Variants in ZBTB20 observed in about 807,000 individuals in gnomAD.
ZBTB20 encodes the protein zinc finger and BTB domain-containing protein 20.
ZBTB20 carries 9 observed loss-of-function variants against 56.9 expected under a neutral mutation model. That is an observed-to-expected ratio of 0.16 (90% CI 0.10 to 0.28). The LOEUF is 0.28. ZBTB20 is among the 10% of genes least tolerant of loss of function. The pLI is 1.00. For synonymous variants in ZBTB20, 417 were observed against 420.7 expected (o/e 0.99, Z 0.11); for missense variants, 655 against 1,003.0 (o/e 0.65, Z 4.69).
At chr3:114,388,312 T>C (rs2085400933) in intron 8 of ZBTB20, 1 of 152,250 alleles carries the variant, frequency 6.6e-6, no homozygotes, top group African/African-American at 2.4e-5. Context: ...GATTAATGAA[T>C]ACTTGATATC....
At chr3:114,440,772 G>A (rs1445800080) in intron 7 of ZBTB20, among the ~76,000 whole-genome samples, 2 of 152,176 alleles carry the variant, frequency 1.3e-5, no homozygotes, top group Admixed American at 1.3e-4. Context: ...GTGATACCAT[G>A]GGAAGGAAGA....
chr3:114,521,191 A>G (rs1447582696), intron 6 of ZBTB20, among the ~76,000 whole-genome samples: 2 of 152,198 alleles, frequency 1.3e-5, no homozygotes, highest in African/African-American at 4.8e-5. Flanking sequence ...TGAGATTACT[A>G]GACAAAAAAA....
intron 7 of ZBTB20, among the ~76,000 whole-genome samples, chr3:114,390,649 G>C (rs985388072): frequency 6.6e-6 from 1 of 152,160 alleles, no homozygotes; most frequent in Non-Finnish European, 1.5e-5. Flanking sequence ...TCCATGGAGA[G>C]CATCCACATT....
At chr3:115,081,522 G>A (rs2082795446) in intron 1 of ZBTB20, among the ~76,000 whole-genome samples, 1 of 152,086 alleles carries the variant, frequency 6.6e-6, no homozygotes, top group Admixed American at 6.5e-5. Flanking sequence ...TAATTTCTAT[G>A]TGCTAGAGGG....
chr3:114,915,837 C>T (rs2075722181), intron 3 of ZBTB20, among the ~76,000 whole-genome samples: 1 of 151,992 alleles, frequency 6.6e-6, no homozygotes, highest in Admixed American at 6.6e-5. Context: ...CTCAGGAGTA[C>T]ACTGTTTAAT....
At chr3:114,548,513 TTTTC>T (rs1310254403) in intron 6 of ZBTB20, among the ~76,000 whole-genome samples, 2 of 145,082 alleles carry the variant, frequency 1.4e-5, no homozygotes, top group East Asian at 3.9e-4. Context: ...TTTCTTTTTA[TTTTC>T]TTTTTTTTTT....
chr3:114,746,546 T>A (rs1279703796), intron 5 of ZBTB20, among the ~76,000 whole-genome samples: 1 of 152,138 alleles, frequency 6.6e-6, no homozygotes, highest in East Asian at 1.9e-4. Context: ...CAGAGAGAGA[T>A]CTCTTCCCTT....
chr3:114,440,766 T>C (rs1023939344), intron 7 of ZBTB20, among the ~76,000 whole-genome samples: 1 of 152,214 alleles, frequency 6.6e-6, no homozygotes, highest in Non-Finnish European at 1.5e-5. Context: ...TCTGAAGTGA[T>C]ACCATGGGAA....
At chr3:114,489,487 A>G (rs1367944025) in intron 7 of ZBTB20, among the ~76,000 whole-genome samples, 2 of 152,180 alleles carry the variant, frequency 1.3e-5, no homozygotes, top group Admixed American at 1.3e-4. Context: ...TGCTATTTAT[A>G]AAGAGTTTTT....
chr3:114,510,708 G>T (rs1194633034), intron 6 of ZBTB20, among the ~76,000 whole-genome samples: 2 of 151,988 alleles, frequency 1.3e-5, no homozygotes, highest in Admixed American at 1.3e-4. Flanking sequence ...ATCCCTGAAC[G>T]AATCTCTTTC....
chr3:115,007,852 C>G (rs570168169), intron 2 of ZBTB20, among the ~76,000 whole-genome samples: 1 of 151,806 alleles, frequency 6.6e-6, no homozygotes, highest in Non-Finnish European at 1.5e-5. Context: ...TACTTTATAT[C>G]TCAGATGTTT....
At chr3:114,914,253 T>C (rs1190240403) in intron 3 of ZBTB20, among the ~76,000 whole-genome samples, 1 of 152,004 alleles carries the variant, frequency 6.6e-6, no homozygotes, top group Non-Finnish European at 1.5e-5. Context: ...TTCAATATCT[T>C]GCAACAATCT....
chr3:115,127,455 T>C lies in ZBTB20; in HGVS notation c.-703+19764A>G, dbSNP rs558153489. Among the ~76,000 whole-genome samples, 8 of 152,172 alleles carry C rather than the reference T, an allele frequency of 5.3e-5. 1 individual carries two copies. The South Asian group carries it at 1.7e-3, about 32-fold the overall frequency. ...AAATACACAAATTAGCCAGGCACGA[T>C]GGCATACACCTATAATCCATCCCAG... On this transcript the variant is annotated intron_variant, in intron 1 of 11. Transcript: ENST00000675478.
chr3:114,371,843 C>T (rs551421114), intron 10 of ZBTB20, among the ~76,000 whole-genome samples: 1 of 151,612 alleles, frequency 6.6e-6, no homozygotes, highest in East Asian at 1.9e-4. Context: ...TAATCTTGCA[C>T]TGCTGATAAA....
rs542157171 is a variant in ZBTB20, at chr3:114,598,452, T to C, written c.-295+95076A>G. On this transcript the variant is annotated intron_variant, in intron 6 of 11. Coordinates refer to ENST00000675478, the MANE Select transcript of ZBTB20 (RefSeq NM_001348800.3). The stretch of plus-strand genomic sequence containing the variant: ...TGTGCTATATGACAGGATATGACAT[T>C]ATATATGCTCAATCCCTCTTGTATA... Among the ~76,000 whole-genome samples the C allele has an allele frequency of 3.3e-5, 5 of 151,484 alleles. No individual in the cohort carries two copies. The East Asian group carries it at 9.7e-4, about 29-fold the overall frequency.
At chr3:115,132,236 C>A (rs1309839213) in intron 1 of ZBTB20, among the ~76,000 whole-genome samples, 1 of 151,962 alleles carries the variant, frequency 6.6e-6, no homozygotes, top group Non-Finnish European at 1.5e-5. Context: ...AGTTCCTGTA[C>A]CTTTCTTGAA....
chr3:114,864,394 T>TA (rs1030126844), intron 4 of ZBTB20, among the ~76,000 whole-genome samples: 3 of 151,704 alleles, frequency 2.0e-5, no homozygotes, highest in Non-Finnish European at 2.9e-5. Flanking sequence ...TAGCCAAGGT[T>TA]AAAAAAAATG....
chr3:115,081,652 G>C (rs1020016966), intron 1 of ZBTB20, among the ~76,000 whole-genome samples: 5 of 129,444 alleles, frequency 3.9e-5, no homozygotes, highest in Admixed American at 2.8e-4. Context: ...AAGGACCCCT[G>C]GTGTCCAGCT....
intron 3 of ZBTB20, among the ~76,000 whole-genome samples, chr3:114,941,623 T>C (rs1446684854): frequency 1.4e-5 from 2 of 146,394 alleles, no homozygotes; most frequent in Admixed American, 6.6e-5. Context: ...GCTTCTGGAA[T>C]AATAAATTGG....
Sources: allele counts gnomAD v4.1 joint callset (sites outside exome capture counted in the v4.1 genomes callset), GRCh38; gene constraint gnomAD v4.1.1; transcripts MANE v1.5; gene names NCBI Gene and HGNC (gene_info 2026-07-23, HGNC 2026-07-21).